The following CORIN variants were observed in gnomAD, a reference collection of about 807,000 sequenced individuals.
CORIN encodes corin, serine peptidase.
Under a neutral mutation model 125.3 loss-of-function variants are expected in CORIN, and 117 were observed. The observed-to-expected ratio is 0.93, with a 90% CI of 0.80 to 1.09. CORIN has a LOEUF of 1.09. Among genes scored for constraint, CORIN ranks in the 50% least tolerant of loss-of-function variants. CORIN has a pLI of 0.00. For synonymous variants in CORIN, 450 were observed against 466.4 expected (o/e 0.96, Z 0.45); for missense variants, 1,253 against 1,306.7 (o/e 0.96, Z 0.63).
chr4:47,752,783 C>T (rs774516624), intron 4 of CORIN, among the ~76,000 whole-genome samples: 36 of 150,752 alleles, frequency 2.4e-4, no homozygotes, highest in Admixed American at 7.2e-4. Flanking sequence ...AAAGTCCATA[C>T]TCTTTTAACC....
At chr4:47,713,545 G>T (rs1321591863) in intron 5 of CORIN, among the ~76,000 whole-genome samples, 3 of 152,122 alleles carry the variant, frequency 2.0e-5, no homozygotes, top group African/African-American at 7.2e-5. Flanking sequence ...GGGTACTTTT[G>T]GTGAACAGCA....
intron 5 of CORIN, among the ~76,000 whole-genome samples, chr4:47,736,524 T>C (rs1728143493): frequency 6.6e-6 from 1 of 152,188 alleles, no homozygotes; most frequent in Non-Finnish European, 1.5e-5. Context: ...AAAGTACATA[T>C]GCAAGTTTGT....
intron 19 of CORIN, among the ~76,000 whole-genome samples, chr4:47,610,113 T>C (rs977544580): frequency 2.0e-5 from 3 of 152,354 alleles, no homozygotes; most frequent in African/African-American, 7.2e-5. Flanking sequence ...CCTTTGGGTA[T>C]ATACCCAGTA....
intron 19 of CORIN, among the ~76,000 whole-genome samples, chr4:47,610,273 C>T (rs1158176754): frequency 6.6e-6 from 1 of 152,136 alleles, no homozygotes; most frequent in Non-Finnish European, 1.5e-5. Context: ...TCTGTTGTTT[C>T]TTGGCTTTTT....
intron 1 of CORIN, among the ~76,000 whole-genome samples, chr4:47,818,600 G>A (rs1169114133): frequency 6.6e-6 from 1 of 152,160 alleles, no homozygotes; most frequent in Non-Finnish European, 1.5e-5. Flanking sequence ...GTCAGACAAG[G>A]TGGCTCACAC....
chr4:47,663,114 C>T (rs1440817149), intron 11 of CORIN, among the ~76,000 whole-genome samples: 1 of 152,128 alleles, frequency 6.6e-6, no homozygotes, highest in African/African-American at 2.4e-5. Context: ...CTACCACTTC[C>T]AATTTTTTTC....
chr4:47,605,894 G>A (rs1388499437), intron 19 of CORIN, among the ~76,000 whole-genome samples: 2 of 152,114 alleles, frequency 1.3e-5, no homozygotes, highest in Non-Finnish European at 2.9e-5. Context: ...AGTTAGGAAG[G>A]AGGAGCCAAG....
At chr4:47,635,704 G>T (rs1379137299) in intron 16 of CORIN, among the ~76,000 whole-genome samples, 1 of 152,166 alleles carries the variant, frequency 6.6e-6, no homozygotes, top group East Asian at 1.9e-4. Context: ...AAGAAAAGAA[G>T]ACCAAAGGCT....
At chr4:47,715,152 A>G (rs1727027868) in intron 5 of CORIN, among the ~76,000 whole-genome samples, 1 of 152,236 alleles carries the variant, frequency 6.6e-6, no homozygotes, top group Non-Finnish European at 1.5e-5. Context: ...AACAGAAAAT[A>G]CTATGGAAAA....
At chr4:47,692,797 T>A (rs181458019) in intron 6 of CORIN, among the ~76,000 whole-genome samples, 173 bp downstream of exon 6, 2 of 152,196 alleles carry the variant, frequency 1.3e-5, no homozygotes, top group Non-Finnish European at 2.9e-5. Context: ...GAGCTCCTAA[T>A]AAACCATGCC....
chr4:47,768,216 C>T (rs1027140118), intron 3 of CORIN, among the ~76,000 whole-genome samples: 5 of 152,148 alleles, frequency 3.3e-5, no homozygotes, highest in East Asian at 3.8e-4. Flanking sequence ...TGTCTCCCTT[C>T]GCTAACTCTC....
intron 2 of CORIN, among the ~76,000 whole-genome samples, chr4:47,787,436 G>T (rs73150674): frequency 0.012 from 1,838 of 151,212 alleles, 49 homozygotes; most frequent in African/African-American, 0.042. Context: ...TTGCACTAAT[G>T]TTCAGTAAAC....
At chr4:47,731,022 G>C (rs1577871154) in intron 5 of CORIN, among the ~76,000 whole-genome samples, 1 of 152,208 alleles carries the variant, frequency 6.6e-6, no homozygotes, top group African/African-American at 2.4e-5. Flanking sequence ...GTGAGCACTG[G>C]TTGGATCACG....
intron 5 of CORIN, among the ~76,000 whole-genome samples, chr4:47,694,365 A>G (rs1254850204): frequency 6.6e-6 from 1 of 152,122 alleles, no homozygotes; most frequent in Non-Finnish European, 1.5e-5. Context: ...TGGGAAAAAA[A>G]TAACTTTTTT....
At chr4:47,600,895 G>C (rs1002637215) in intron 20 of CORIN, among the ~76,000 whole-genome samples, 1 of 152,210 alleles carries the variant, frequency 6.6e-6, no homozygotes, top group African/African-American at 2.4e-5. Context: ...ATATCGAAAA[G>C]CACAAAGCCA....
At chr4:47,669,902 C>T (rs953925344) in intron 10 of CORIN, among the ~76,000 whole-genome samples, 1 of 152,124 alleles carries the variant, frequency 6.6e-6, no homozygotes, top group African/African-American at 2.4e-5. Context: ...TGTGTACCAC[C>T]CCTGGATATT....
At chr4:47,661,387 T>G (rs540120434) in intron 12 of CORIN, 28 of 188,260 alleles carry the variant, frequency 1.5e-4, no homozygotes, top group Admixed American at 1.2e-3. Context: ...GGATATCTCA[T>G]CTACTTGATG....
At chr4:47,665,729 T>C (rs1295714386) in intron 10 of CORIN, among the ~76,000 whole-genome samples, 3 of 152,226 alleles carry the variant, frequency 2.0e-5, no homozygotes, top group African/African-American at 4.8e-5. Flanking sequence ...TTAATGTGTT[T>C]AAATATAAGG....
rs530593724 is a variant in CORIN at position 47,799,420 on chromosome 4, A to G, written c.208+7483T>C. ...CAACAGCATACCTTTTCTCAACAGC[A>G]TCTGTTGTTTTTTGACTTTTTCGTA... On this transcript the variant is annotated intron_variant, in intron 2 of 21. Transcript: ENST00000273857. Among the ~76,000 whole-genome samples, 5 of 152,130 alleles carry G rather than the reference A, an allele frequency of 3.3e-5. No individual in the cohort carries two copies. The South Asian group carries it at 8.3e-4, about 25-fold the overall frequency.
Sources: gnomAD v4.1 joint callset for allele counts (sites outside exome capture counted in the v4.1 genomes callset) on GRCh38, gnomAD v4.1.1 for gene constraint, MANE v1.5 for transcripts, NCBI Gene and HGNC (gene_info 2026-07-23, HGNC 2026-07-21) for gene names.